The following TUBGCP4 variants were observed in gnomAD, a reference collection of about 807,000 sequenced individuals.
TUBGCP4 encodes the protein tubulin gamma complex component 4.
Under a neutral mutation model 91.6 loss-of-function variants are expected in TUBGCP4, and 54 were observed. The observed-to-expected ratio is 0.59, with a 90% CI of 0.47 to 0.74. The LOEUF (loss-of-function observed/expected upper bound fraction) is 0.74. Ranked by LOEUF, TUBGCP4 falls within the 30% of genes least tolerant of loss-of-function variation. The probability of loss-of-function intolerance (pLI) is 0.00; values close to 1 mark genes in which losing one functional copy is unlikely to be tolerated. For synonymous variants in TUBGCP4, 297 were observed against 302.8 expected (o/e 0.98, Z 0.20); for missense variants, 593 against 800.9 (o/e 0.74, Z 3.13).
rs2045039651 is a variant in TUBGCP4, at chr15:43,409,478, T to C, written c.*4264T>C. ...CCAAGGTCCTACCTTCTCTTCCCTA[T>C]ACACAACAAAAATTCTATTTCATGC... is the stretch of plus-strand genomic sequence containing the variant. On this transcript the variant is annotated 3_prime_UTR_variant, in exon 18 of 18. Coordinates refer to ENST00000564079, the MANE Select transcript of TUBGCP4 (RefSeq NM_014444.5). 3.8e-6 allele frequency: 2 copies of C among 528,172 alleles called. No individual in the cohort carries two copies. The highest frequency in any genetic ancestry group is 3.5e-5 in the Admixed American group (1 of 28,448). The allele number at this position is 528,172 out of a possible 1,614,324, so 32.7% of individuals were successfully genotyped here. A position where few individuals can be genotyped will look rare whatever the true frequency, so the allele number is the denominator to read the frequency against.
At chr15:43,385,699 T>C (rs2044345644) in intron 7 of TUBGCP4, 92 bp from the exon 8 acceptor site, 1 of 1,377,094 alleles carries the variant, frequency 7.3e-7, no homozygotes, top group Non-Finnish European at 1.0e-6. Flanking sequence ...GTCTTTATTT[T>C]AAATCATGGG....
At chr15:43,403,594 C>G (rs2044750143) in intron 15 of TUBGCP4, 89 bp from the exon 16 acceptor site, 1 of 945,090 alleles carries the variant, frequency 1.1e-6, no homozygotes, top group South Asian at 1.6e-5. Flanking sequence ...TTAATTAGAT[C>G]AGCTATTAAT....
Position 43,405,205 on chromosome 15 carries a change from C to T in TUBGCP4, c.1992C>T (p.Phe664=), listed in dbSNP as rs552259588. ...AGGCTCTTTTTCTCTTTTGTAGTTTCGGGATGTGAAAATTTCTGGCTCATA... is the reference window on the plus strand; with the variant it reads ...AGGCTCTTTTTCTCTTTTGTAGTTTTGGGATGTGAAAATTTCTGGCTCATA... ...YTQAGGTLGS[F]GM is the part of the protein sequence containing the mutation. Residue 664 remains phenylalanine (F), a synonymous_variant, in exon 18 of 18, where the codon TTC becomes TTT. Coordinates refer to ENST00000564079, the MANE Select transcript of TUBGCP4 (RefSeq NM_014444.5). The T allele has an allele frequency of 1.1e-5, 18 of 1,614,082 alleles. No individual in the cohort carries two copies. Among genetic ancestry groups the T allele is most frequent in the South Asian group, 5.5e-5 (5 of 91,078 alleles).
chr15:43,381,267 C>G (rs1404533585), intron 6 of TUBGCP4, among the ~76,000 whole-genome samples: 1 of 152,162 alleles, frequency 6.6e-6, no homozygotes, highest in Non-Finnish European at 1.5e-5. Context: ...AGGGACCAAA[C>G]TTTACAGACC....
chr15:43,379,851 GA>G (rs1159783754), intron 5 of TUBGCP4, among the ~76,000 whole-genome samples: 1 of 152,164 alleles, frequency 6.6e-6, no homozygotes, highest in African/African-American at 2.4e-5. Flanking sequence ...AGGGCTTGTG[GA>G]AACACTGAGT....
Position 43,375,109 on chromosome 15 carries a change from G to A in TUBGCP4, c.79-989G>A, listed in dbSNP as rs533171916. Reference sequence around the variant, plus strand: ...GTAGAGACAGGGTTTCATCATGTTGGCCAGGCTGGTCTTGAACTCCTGACC... The same window carrying A: ...GTAGAGACAGGGTTTCATCATGTTGACCAGGCTGGTCTTGAACTCCTGACC... On this transcript the variant is annotated intron_variant, in intron 1 of 17. Transcript: ENST00000564079. Among the ~76,000 whole-genome samples, 7 of 152,340 alleles carry A rather than the reference G, an allele frequency of 4.6e-5. 1 individual carries two copies. The South Asian group carries it at 1.4e-3, about 32-fold the overall frequency.
At chr15:43,391,349 A>G (rs978184571) in intron 9 of TUBGCP4, 2 of 152,112 alleles carry the variant, frequency 1.3e-5, no homozygotes, top group African/African-American at 2.4e-5. Context: ...ACAGGTGCAA[A>G]TCACCATGCC....
chr15:43,383,218 T>C (rs2044309562), intron 6 of TUBGCP4, 85 bp from the exon 7 acceptor site: 1 of 1,144,136 alleles, frequency 8.7e-7, no homozygotes, highest in Non-Finnish European at 1.2e-6. Flanking sequence ...ATTTCTGTTA[T>C]GACTCATCAA....
At chr15:43,392,912 G>C (rs557563851) in intron 9 of TUBGCP4, among the ~76,000 whole-genome samples, 1 of 152,124 alleles carries the variant, frequency 6.6e-6, no homozygotes, top group Admixed American at 6.5e-5. Flanking sequence ...CAACCTTTCT[G>C]TGTGCTTTCA....
chr15:43,398,308 A>G, intron 13 of TUBGCP4, 129 bp downstream of exon 13: 1 of 1,044,932 alleles, frequency 9.6e-7, no homozygotes, highest in Non-Finnish European at 1.4e-6. Context: ...GCTAGTCCAG[A>G]GCCTGAGCAG....
chr15:43,399,817 T>C (rs947820146), intron 13 of TUBGCP4, among the ~76,000 whole-genome samples: 3 of 152,174 alleles, frequency 2.0e-5, no homozygotes, highest in Admixed American at 2.0e-4. Context: ...ATCTAAAAAA[T>C]GCAGAGATGG....
Position 43,376,601 on chromosome 15 carries a change from A to G in TUBGCP4, c.306A>G (p.Gln102=), listed in dbSNP as rs760032379. 91 of 1,614,096 alleles carry G rather than the reference A, an allele frequency of 5.6e-5. No individual in the cohort carries two copies. The highest frequency in any genetic ancestry group is 7.6e-5 in the Non-Finnish European group (90 of 1,180,046). ...ATTCTGTTTTGCAGCCTTATCGCCAAGCACTGCTTGATTTGGAACAAGAGG... is the reference window on the plus strand; with the variant it reads ...ATTCTGTTTTGCAGCCTTATCGCCAGGCACTGCTTGATTTGGAACAAGAGG... ...GLDSVLQPYR[Q]ALLDLEQEFL... is the part of the protein sequence containing the mutation. Residue 102 remains glutamine (Q), a synonymous_variant, in exon 3 of 18, where the codon CAA becomes CAG. Transcript: ENST00000564079.
At chr15:43,401,632 T>C in intron 14 of TUBGCP4, 84 bp from the exon 15 acceptor site, 1 of 1,460,156 alleles carries the variant, frequency 6.8e-7, no homozygotes, top group East Asian at 2.3e-5. Flanking sequence ...GGCAAAGCAT[T>C]TTCATTTCAA....
chr15:43,394,956 G>C, intron 9 of TUBGCP4, 151 bp from the exon 10 acceptor site: 1 of 780,232 alleles, frequency 1.3e-6, no homozygotes, highest in African/African-American at 1.7e-5. Flanking sequence ...TGTGAGAATG[G>C]AATAATACAT....
intron 15 of TUBGCP4, chr15:43,403,088 C>T (rs1304009415): frequency 6.6e-6 from 1 of 152,124 alleles, no homozygotes; most frequent in Non-Finnish European, 1.5e-5. Context: ...TTATTGAGTG[C>T]TTACTGTATG....
At chr15:43,378,383 T>C (rs1191300741) in intron 5 of TUBGCP4, among the ~76,000 whole-genome samples, 2 of 152,234 alleles carry the variant, frequency 1.3e-5, no homozygotes, top group East Asian at 3.8e-4. Flanking sequence ...GTTAGGAGAA[T>C]GTCTTTCTGG....
chr15:43,406,708 A>ATAAT lies in TUBGCP4; in HGVS notation c.*1495_*1498dup. 1 of 430,962 alleles carries ATAAT rather than the reference A, an allele frequency of 2.3e-6. No individual in the cohort carries two copies. The highest frequency in any genetic ancestry group is 4.6e-6 in the Non-Finnish European group (1 of 218,648). The allele number at this position is 430,962 out of a possible 1,614,324, so 26.7% of individuals were successfully genotyped here. ...TCCAGCTATTGTGACAATAATAATA[A>ATAAT]TAATAATATTGGGTCTTTGACTAGA... On this transcript the variant is annotated 3_prime_UTR_variant, in exon 18 of 18. Coordinates refer to ENST00000564079, the MANE Select transcript of TUBGCP4 (RefSeq NM_014444.5).
chr15:43,385,559 G>A, intron 7 of TUBGCP4: 1 of 535,446 alleles, frequency 1.9e-6, no homozygotes, highest in South Asian at 2.0e-5. Flanking sequence ...TAAAGGCAGA[G>A]TGAGGGCCCA....
intron 13 of TUBGCP4, among the ~76,000 whole-genome samples, chr15:43,399,521 T>C (rs1347665571): frequency 1.3e-5 from 2 of 152,190 alleles, no homozygotes; most frequent in East Asian, 3.9e-4. Context: ...ATTTTTTTAA[T>C]TTTTAGTAGA....
Sources: allele counts gnomAD v4.1 joint callset (sites outside exome capture counted in the v4.1 genomes callset), GRCh38; gene constraint gnomAD v4.1.1; transcripts MANE v1.5; gene names NCBI Gene and HGNC (gene_info 2026-07-23, HGNC 2026-07-21).